The following STK32C variants were observed in gnomAD, a reference collection of about 807,000 sequenced individuals.
The protein encoded by STK32C is serine/threonine-protein kinase 32C.
A neutral mutation model predicts 56.5 loss-of-function variants in STK32C; 31 were observed. That is an observed-to-expected ratio of 0.55 (90% confidence interval 0.41 to 0.74). STK32C has a LOEUF of 0.74. STK32C is among the 30% of genes least tolerant of loss of function. The pLI, the probability that STK32C is intolerant of heterozygous loss-of-function variation, is 0.00. For synonymous variants in STK32C, 309 were observed against 289.4 expected (o/e 1.07, Z -0.69); for missense variants, 544 against 676.9 (o/e 0.80, Z 2.18).
rs1466243994 is a variant in STK32C at position 132,265,152 on chromosome 10, G to A, written c.263-19197C>T. 3.5e-5 allele frequency among the ~76,000 whole-genome samples: 5 copies of A among 142,770 alleles called. 1 individual carries two copies. The highest frequency in any genetic ancestry group is 3.4e-4 in the Admixed American group (5 of 14,610). The allele number at this position is 142,770 out of a possible 152,430, so 93.7% of individuals were successfully genotyped here. On this transcript the variant is annotated intron_variant, in intron 1 of 11. Coordinates refer to ENST00000298630, the MANE Select transcript of STK32C (RefSeq NM_173575.4). ...GCAAGGGCAGTGAGGTGGGCTCTGG[G>A]GGAGCTGCCAGGGCGGCGAGGTGGC...
chr10:132,295,591 CAGA>C (rs1169465319), intron 1 of STK32C, among the ~76,000 whole-genome samples: 1 of 152,234 alleles, frequency 6.6e-6, no homozygotes, highest in Non-Finnish European at 1.5e-5. Context: ...CAAATCTACA[CAGA>C]AGAATTCCAG....
chr10:132,258,409 G>A (rs552315263), intron 1 of STK32C, among the ~76,000 whole-genome samples: 32 of 152,318 alleles, frequency 2.1e-4, no homozygotes, highest in African/African-American at 6.0e-4. Context: ...GGCCCTGGCC[G>A]CCCCCCATCA....
At chr10:132,208,247 C>T (rs2062163990) in intron 11 of STK32C, 96 bp from the exon 12 acceptor site, 3 of 1,240,578 alleles carry the variant, frequency 2.4e-6, no homozygotes, top group Admixed American at 4.1e-5. Context: ...TAGGCCATGG[C>T]GTGGATGCCC....
intron 1 of STK32C, among the ~76,000 whole-genome samples, chr10:132,296,589 G>T (rs2065754972): frequency 6.6e-6 from 1 of 152,092 alleles, no homozygotes; most frequent in Admixed American, 6.5e-5. Flanking sequence ...ACTACAAATG[G>T]TTGTTTATCA....
chr10:132,236,261 A>T (rs543789767), intron 2 of STK32C, among the ~76,000 whole-genome samples: 1 of 152,330 alleles, frequency 6.6e-6, no homozygotes, highest in East Asian at 1.9e-4. Flanking sequence ...CAATGCTGGG[A>T]CCTGGGCTCT....
chr10:132,226,364 T>C (rs1389904112), intron 4 of STK32C, among the ~76,000 whole-genome samples: 3 of 152,268 alleles, frequency 2.0e-5, no homozygotes, highest in Non-Finnish European at 2.9e-5. Flanking sequence ...TTTTTTAAAT[T>C]TTATTTTCAG....
intron 1 of STK32C, among the ~76,000 whole-genome samples, chr10:132,257,222 C>T (rs1565117866): frequency 6.6e-6 from 1 of 152,112 alleles, no homozygotes; most frequent in East Asian, 1.9e-4. Context: ...GAGGCCAGCA[C>T]GAGATGGGTA....
At chr10:132,261,704 G>T (rs1253070192) in intron 1 of STK32C, among the ~76,000 whole-genome samples, 1 of 152,184 alleles carries the variant, frequency 6.6e-6, no homozygotes, top group East Asian at 1.9e-4. Flanking sequence ...GGCAGAGGTT[G>T]CAGTGAGCCA....
At chr10:132,220,570 A>C (rs778013299) in intron 10 of STK32C, among the ~76,000 whole-genome samples, 1 of 152,210 alleles carries the variant, frequency 6.6e-6, no homozygotes, top group Non-Finnish European at 1.5e-5. Context: ...ACCCTTCTAC[A>C]ACAGCATTAA....
At chr10:132,303,479 G>A (rs2065970837) in intron 1 of STK32C, among the ~76,000 whole-genome samples, 1 of 152,198 alleles carries the variant, frequency 6.6e-6, no homozygotes, top group East Asian at 1.9e-4. Flanking sequence ...AAAAAGCTAA[G>A]TAGCAACATT....
chr10:132,209,002 C>T (rs2062199404), intron 11 of STK32C, 32 bp downstream of exon 11: 4 of 1,603,750 alleles, frequency 2.5e-6, no homozygotes, highest in Admixed American at 1.7e-5. Context: ...CTCCTCTCTG[C>T]CACCACGCCC....
At chr10:132,324,089 T>C (rs41299138) in exon 2 of STK32C, 9 of 620,270 alleles carry the variant, frequency 1.5e-5, no homozygotes, top group Non-Finnish European at 2.6e-5. Context: ...CTGGACCAAA[T>C]TTCCAGCATA....
chr10:132,258,054 C>T (rs1038026002), intron 1 of STK32C, among the ~76,000 whole-genome samples: 2 of 152,238 alleles, frequency 1.3e-5, no homozygotes, highest in Admixed American at 1.3e-4. Context: ...CTGTCCTTGT[C>T]ACCCCATCAC....
At chr10:132,247,059 AC>A (rs2063718398) in intron 1 of STK32C, among the ~76,000 whole-genome samples, 1 of 151,952 alleles carries the variant, frequency 6.6e-6, no homozygotes, top group Non-Finnish European at 1.5e-5. Context: ...AGCTGGAACA[AC>A]CCCCTACACA....
rs78641202 is a variant in STK32C, at chr10:132,210,052, C to T, written c.1252-951G>A. On this transcript the variant is annotated intron_variant, in intron 10 of 11. Transcript: ENST00000298630. ...CTCAACCCTATCTAGACATACAAAACGTACAGCAAAACCCAGTGTTACCAT... is the reference window on the plus strand; with the variant it reads ...CTCAACCCTATCTAGACATACAAAATGTACAGCAAAACCCAGTGTTACCAT... Among the ~76,000 whole-genome samples, 728 of 152,312 alleles carry T rather than the reference C, an allele frequency of 4.8e-3. 6 individuals are homozygous for T. The highest frequency in any genetic ancestry group is 0.017 in the African/African-American group (689 of 41,566).
At chr10:132,308,646 C>T (rs1007071759), upstream of STK32C, among the ~76,000 whole-genome samples, 1 of 152,138 alleles carries the variant, frequency 6.6e-6, no homozygotes, top group African/African-American at 2.4e-5. Context: ...GCCCTGAGCA[C>T]GTGCGCCCGC....
intron 10 of STK32C, among the ~76,000 whole-genome samples, chr10:132,218,144 T>C (rs537369661): frequency 6.6e-6 from 1 of 152,068 alleles, no homozygotes; most frequent in Non-Finnish European, 1.5e-5. Flanking sequence ...TGAGACCCTG[T>C]CTCTACAACA....
chr10:132,278,594 T>C (rs541296808), intron 1 of STK32C, among the ~76,000 whole-genome samples: 5 of 152,018 alleles, frequency 3.3e-5, no homozygotes, highest in Non-Finnish European at 5.9e-5. Flanking sequence ...ACCCCATCTC[T>C]ACTAAAAATA....
intron 1 of STK32C, among the ~76,000 whole-genome samples, chr10:132,247,114 G>A (rs963798592): frequency 6.6e-6 from 1 of 152,216 alleles, no homozygotes. Context: ...AAGGCCAGAG[G>A]CAGACCCGGG....
Sources: gnomAD v4.1 joint callset for allele counts (sites outside exome capture counted in the v4.1 genomes callset) on GRCh38, gnomAD v4.1.1 for gene constraint, MANE v1.5 for transcripts, NCBI Gene and HGNC (gene_info 2026-07-23, HGNC 2026-07-21) for gene names.